FLACC1: variants seen among roughly 807,000 people sequenced by gnomAD.
FLACC1 encodes the protein flagellum associated containing coiled-coil domains 1.
A neutral mutation model predicts 62.8 loss-of-function variants in FLACC1; 66 were observed. The observed-to-expected ratio is 1.05, with a 90% CI of 0.86 to 1.29. FLACC1 has a LOEUF of 1.29. Ranked by LOEUF, FLACC1 falls within the 50% of genes most tolerant of loss-of-function variation. FLACC1 has a pLI of 0.00. For synonymous variants in FLACC1, 156 were observed against 161.0 expected (o/e 0.97, Z 0.24); for missense variants, 452 against 489.1 (o/e 0.92, Z 0.71).
chr2:201,336,041 T>C (rs952436107), intron 7 of FLACC1, among the ~76,000 whole-genome samples: 1 of 152,210 alleles, frequency 6.6e-6, no homozygotes, highest in African/African-American at 2.4e-5. Flanking sequence ...CATGTACATG[T>C]ATATATTTGT....
rs1333138050 is a variant in FLACC1 at position 201,289,800 on chromosome 2, G to A, written c.943-15C>T. The A allele has an allele frequency of 6.2e-7, 1 of 1,614,202 alleles. No individual in the cohort carries two copies. Among genetic ancestry groups the A allele is most frequent in the Admixed American group, 1.7e-5 (1 of 60,032 alleles). Reference sequence around the variant, plus strand: ...TCCTGCATGACCTGCATAAGAAGAAGCTGTTGCAGGACATCATGCCAATGT... The same window carrying A: ...TCCTGCATGACCTGCATAAGAAGAAACTGTTGCAGGACATCATGCCAATGT... On this transcript the variant is annotated splice_polypyrimidine_tract_variant and intron_variant, in intron 12 of 14. Coordinates refer to ENST00000392257, the MANE Select transcript of FLACC1 (RefSeq NM_001127391.3).
chr2:201,353,434 T>C (rs189105152), intron 1 of FLACC1, among the ~76,000 whole-genome samples: 2 of 152,192 alleles, frequency 1.3e-5, no homozygotes, highest in East Asian at 1.9e-4. Flanking sequence ...AAGAAATAGA[T>C]AGCAGAGTTG....
rs1949652488 is a variant in FLACC1 at position 201,288,797 on chromosome 2, A to G, written c.1143-16T>C. On this transcript the variant is annotated splice_polypyrimidine_tract_variant and intron_variant, in intron 14 of 14. Transcript: ENST00000392257. ...TATCTTTTGCCTGTAAAAAGAAAGG[A>G]AAGATGTATCAATGTCAACTCAAAA... is the stretch of plus-strand genomic sequence containing the variant. 7 of 1,611,696 alleles carry G rather than the reference A, an allele frequency of 4.3e-6. No individual in the cohort carries two copies. The highest frequency in any genetic ancestry group is 1.3e-5 in the African/African-American group (1 of 75,014).
At chr2:201,314,610 A>G (rs961498127) in intron 9 of FLACC1, among the ~76,000 whole-genome samples, 2 of 152,216 alleles carry the variant, frequency 1.3e-5, no homozygotes, top group African/African-American at 2.4e-5. Context: ...TTGGAAACAC[A>G]TTTGTGCAAT....
chr2:201,329,893 A>C (rs565309165), intron 9 of FLACC1, among the ~76,000 whole-genome samples: 2 of 152,320 alleles, frequency 1.3e-5, no homozygotes, highest in South Asian at 4.1e-4. Context: ...TTTAAAGTTC[A>C]TTCCTTTTGA....
intron 1 of FLACC1, among the ~76,000 whole-genome samples, chr2:201,354,714 A>G (rs2125628237): frequency 6.6e-6 from 1 of 152,340 alleles, no homozygotes; most frequent in South Asian, 2.1e-4. Context: ...AGAACCTTGT[A>G]TCTGCTTCCT....
In FLACC1 at chr2:201,288,698, G is replaced by A. The variant is rs1480832813; in HGVS notation, c.1226C>T (p.Ser409Phe). 1.2e-6 allele frequency: 2 copies of A among 1,614,026 alleles called. No individual in the cohort carries two copies. Among genetic ancestry groups the A allele is most frequent in the South Asian group, 2.2e-5 (2 of 91,082 alleles). The change falls in exon 15 of 15, where the codon TCT becomes TTT. Residue 409 changes from serine (S) to phenylalanine (F), a missense_variant. Physicochemically the swap from Ser to Phe is radical, Grantham distance 155 (BLOSUM62 -2). Around this residue, in one of 3 missense-constraint regions of FLACC1, gnomAD observed 301 missense variants for 318.4 expected, o/e 0.95. Coordinates refer to ENST00000392257, the MANE Select transcript of FLACC1 (RefSeq NM_001127391.3). ...LASITVSKDDSDTVQDGSKKG... is the reference protein window; with the variant it reads ...LASITVSKDDFDTVQDGSKKG... ...CTTGCTACCATCTTGCACAGTGTCA[G>A]AATCATCCTTAGAAACAGTAATAGA...
At chr2:201,305,132 C>T (rs556153998) in intron 11 of FLACC1, among the ~76,000 whole-genome samples, 16 of 152,338 alleles carry the variant, frequency 1.1e-4, no homozygotes, top group Admixed American at 6.5e-4. Flanking sequence ...AAACTACCAT[C>T]AGAGTGAACA....
chr2:201,321,300 T>A (rs531675377), intron 9 of FLACC1, among the ~76,000 whole-genome samples: 1 of 152,156 alleles, frequency 6.6e-6, no homozygotes, highest in African/African-American at 2.4e-5. Context: ...AGGAGTGGGA[T>A]CCCCCTGATC....
At chr2:201,343,515 T>C (rs576652520) in intron 6 of FLACC1, among the ~76,000 whole-genome samples, 114 of 152,252 alleles carry the variant, frequency 7.5e-4, no homozygotes, top group African/African-American at 2.6e-3. Flanking sequence ...ATCTGGGGCA[T>C]ATCAGAGGGT....
At chr2:201,330,919 C>T in intron 7 of FLACC1, 86 bp from the exon 8 acceptor site, 1 of 980,676 alleles carries the variant, frequency 1.0e-6, no homozygotes, top group African/African-American at 1.6e-5. Flanking sequence ...CTACCCTCCA[C>T]CCTCCCACAG....
At chr2:201,317,269 G>T (rs1268662063) in intron 9 of FLACC1, among the ~76,000 whole-genome samples, 1 of 152,158 alleles carries the variant, frequency 6.6e-6, no homozygotes, top group African/African-American at 2.4e-5. Context: ...ATTGCTGTTT[G>T]CTGATGATAT....
chr2:201,309,328 A>C, intron 9 of FLACC1, 78 bp from the exon 10 acceptor site: 3 of 1,062,090 alleles, frequency 2.8e-6, no homozygotes, highest in Non-Finnish European at 4.4e-6. Context: ...AACTCAACTC[A>C]GGGAGGACTC....
intron 12 of FLACC1, among the ~76,000 whole-genome samples, chr2:201,290,744 G>A (rs564498281): frequency 3.9e-4 from 60 of 152,294 alleles, no homozygotes; most frequent in Middle Eastern, 3.4e-3. Context: ...CACATCATCC[G>A]GGAAGTGCAA....
intron 10 of FLACC1, 51 bp downstream of exon 10, chr2:201,309,100 G>T: frequency 6.7e-7 from 1 of 1,501,300 alleles, no homozygotes; most frequent in Non-Finnish European, 9.3e-7. Flanking sequence ...AAACTTCATG[G>T]CAGTTTTTTA....
At chr2:201,301,703 G>C (rs1361933293) in intron 11 of FLACC1, among the ~76,000 whole-genome samples, 1 of 151,430 alleles carries the variant, frequency 6.6e-6, no homozygotes, top group East Asian at 1.9e-4. Context: ...TACCCACAAA[G>C]GGAAGCCCAT....
intron 4 of FLACC1, among the ~76,000 whole-genome samples, chr2:201,347,865 C>T (rs564479064): frequency 4.6e-5 from 7 of 152,312 alleles, no homozygotes; most frequent in African/African-American, 1.2e-4. Flanking sequence ...AGTGCCCTCC[C>T]GCCCCTGCTC....
intron 9 of FLACC1, among the ~76,000 whole-genome samples, chr2:201,325,887 C>T (rs72934944): frequency 0.12 from 18,739 of 152,072 alleles, 1,468 homozygotes; most frequent in African/African-American, 0.22. Flanking sequence ...AAACTACAGA[C>T]CAATTTCACT....
At chr2:201,322,494 C>T (rs1451614577) in intron 9 of FLACC1, among the ~76,000 whole-genome samples, 1 of 151,858 alleles carries the variant, frequency 6.6e-6, no homozygotes, top group Non-Finnish European at 1.5e-5. Context: ...CCTGAAAGCA[C>T]CAAAAACCAA....
Sources: allele counts gnomAD v4.1 joint callset (sites outside exome capture counted in the v4.1 genomes callset), GRCh38; gene constraint gnomAD v4.1.1; regional missense constraint gnomAD v4.1.1; transcripts MANE v1.5; gene names NCBI Gene and HGNC (gene_info 2026-07-23, HGNC 2026-07-21).